The following ARID4A variants were observed in gnomAD, a reference collection of about 807,000 sequenced individuals.
ARID4A encodes the protein AT-rich interactive domain-containing protein 4A.
A neutral mutation model predicts 148.6 loss-of-function variants in ARID4A; 39 were observed. That is an observed-to-expected ratio of 0.26 (90% confidence interval 0.20 to 0.34). The LOEUF is 0.34. ARID4A is among the 10% of genes least tolerant of loss of function. The pLI, the probability that ARID4A is intolerant of heterozygous loss-of-function variation, is 1.00. For missense variants in ARID4A, 1,265 were observed against 1,449.1 expected, an observed-to-expected ratio of 0.87 and a Z score of 2.06; for synonymous variants, 475 against 481.2, an observed-to-expected ratio of 0.99 and a Z score of 0.17.
At chr14:58,302,711 T>C (rs1234924202) in intron 3 of ARID4A, among the ~76,000 whole-genome samples, 3 of 152,058 alleles carry the variant, frequency 2.0e-5, no homozygotes, top group African/African-American at 4.8e-5. Flanking sequence ...TCCCAGCACT[T>C]GGGAAGCCTG....
At chr14:58,353,440 G>A in intron 16 of ARID4A, 1 of 414,418 alleles carries the variant, frequency 2.4e-6, no homozygotes, top group South Asian at 6.3e-5. Flanking sequence ...CTTTTAAAAA[G>A]TATGGATTTA....
In ARID4A at chr14:58,366,042, A is replaced by C; in HGVS notation, c.3335A>C (p.Glu1112Ala). ...TTTATAGGACAAAGCAGTGATAGTG[A>C]AGATCTTCCTGTCCTAGACAATTCA... is the stretch of plus-strand genomic sequence containing the variant. The part of the protein sequence containing the change: ...KNGTGQSSDS[E>A]DLPVLDNSSK... Residue 1112 changes from glutamate to alanine, a missense_variant, in exon 22 of 24, where the codon GAA (glutamate) becomes GCA (alanine). Coordinates refer to ENST00000355431, the MANE Select transcript of ARID4A (RefSeq NM_002892.4). 6.2e-7 allele frequency: 1 copy of C among 1,612,732 alleles called. No individual in the cohort carries two copies. Among genetic ancestry groups the C allele is most frequent in the Non-Finnish European group, 8.5e-7 (1 of 1,179,036 alleles).
Position 58,323,547 on chromosome 14 carries a change from A to T in ARID4A, c.512A>T (p.Asn171Ile). The change falls in exon 8 of 24, where the codon AAT becomes ATT. Residue 171 changes from asparagine (N) to isoleucine (I), a missense_variant. Around this residue, in one of 9 missense-constraint regions of ARID4A, gnomAD observed 249 missense variants for 277.2 expected, o/e 0.90. Transcript: ENST00000355431. ...EEEDEDKRRL[N>I]DELLGKVVSV... The stretch of plus-strand genomic sequence containing the variant: ...GAAGATGAAGACAAGCGCCGTCTCA[A>T]TGATGAATTACTAGGAAAAGTTGTA... The T allele has an allele frequency of 6.2e-7, 1 of 1,614,024 alleles. No individual in the cohort carries two copies.
chr14:58,301,470 C>A, intron 2 of ARID4A, 110 bp from the exon 3 acceptor site: 1 of 626,152 alleles, frequency 1.6e-6, no homozygotes, highest in Non-Finnish European at 2.6e-6. Context: ...TATTAATAAG[C>A]AAGTCATTTT....
intron 17 of ARID4A, among the ~76,000 whole-genome samples, chr14:58,355,512 G>A (rs1478232273): frequency 6.6e-6 from 1 of 152,188 alleles, no homozygotes; most frequent in East Asian, 1.9e-4. Flanking sequence ...TTATATGAAT[G>A]TGGTCTTTCT....
intron 3 of ARID4A, among the ~76,000 whole-genome samples, chr14:58,302,115 T>C (rs1237434987): frequency 1.3e-5 from 2 of 152,118 alleles, no homozygotes; most frequent in African/African-American, 2.4e-5. Flanking sequence ...CCAAGCACTT[T>C]GGGAGGCCGA....
In ARID4A at chr14:58,318,538, A is replaced by G. The variant is rs556463179; in HGVS notation, c.275-4A>G. The G allele has an allele frequency of 1.6e-5, 26 of 1,613,740 alleles. No individual in the cohort carries two copies. Among genetic ancestry groups the G allele is most frequent in the Non-Finnish European group, 2.1e-5 (25 of 1,179,812 alleles). On this transcript the variant is annotated splice_region_variant and splice_polypyrimidine_tract_variant and intron_variant, in intron 5 of 23. Coordinates refer to ENST00000355431, the MANE Select transcript of ARID4A (RefSeq NM_002892.4). ...AATTCTCTGTTATCTTTTGCTTATTATAGTGTTTGATGATGGTGATGAGCG... is the reference window on the plus strand; with the variant it reads ...AATTCTCTGTTATCTTTTGCTTATTGTAGTGTTTGATGATGGTGATGAGCG...
At position 58,347,651 on chromosome 14, in the gene ARID4A, C is replaced by G; in HGVS notation, c.1177C>G (p.Leu393Val). The G allele has an allele frequency of 6.3e-7, 1 of 1,584,614 alleles. No homozygotes were observed. Among genetic ancestry groups the G allele is most frequent in the South Asian group, 1.2e-5 (1 of 85,104 alleles). Residue 393 changes from leucine to valine, a missense_variant, in exon 15 of 24, where the codon CTC becomes GTC. Leu to Val is a conservative substitution (Grantham distance 32). This residue lies in a region of ARID4A where 205 missense variants were observed against 196.9 expected (regional missense o/e 1.04). Transcript: ENST00000355431. The part of the protein sequence containing the change: ...YNVKTAYRKY[L>V]YGFEEYCRSA... ...AATGAAATATTGTTTGTTTAGGTATCTCTATGGTTTTGAGGAGTACTGCCG... is the reference window on the plus strand; with the variant it reads ...AATGAAATATTGTTTGTTTAGGTATGTCTATGGTTTTGAGGAGTACTGCCG...
intron 5 of ARID4A, among the ~76,000 whole-genome samples, chr14:58,306,659 C>T (rs958205007): frequency 6.6e-6 from 1 of 152,154 alleles, no homozygotes; most frequent in African/African-American, 2.4e-5. Context: ...GGGTGGATCA[C>T]TTGAGGTCAG....
intron 11 of ARID4A, chr14:58,331,316 G>A (rs2033505522): frequency 6.6e-6 from 1 of 152,208 alleles, no homozygotes; most frequent in Non-Finnish European, 1.5e-5. Flanking sequence ...CTTTGAAATG[G>A]GCTGTCTTTC....
chr14:58,361,028 G>A lies in ARID4A; in HGVS notation c.2066G>A (p.Ser689Asn). 6.2e-7 allele frequency: 1 copy of A among 1,613,686 alleles called. No homozygotes were observed. Among genetic ancestry groups the A allele is most frequent in the African/African-American group, 1.3e-5 (1 of 75,004 alleles). Reference protein sequence around the residue: ...MPYGLSKTANSEGKSDSCSSD... With the variant: ...MPYGLSKTANNEGKSDSCSSD... The stretch of plus-strand genomic sequence containing the variant: ...TATGGCTTATCTAAGACAGCAAACA[G>A]TGAAGGAAAATCAGGTACCAGAAGT... The change falls in exon 19 of 24, where the codon AGT becomes AAT. Residue 689 changes from serine (S) to asparagine (N), a missense_variant. Transcript: ENST00000355431.
chr14:58,341,016 C>T (rs752873964), intron 11 of ARID4A, among the ~76,000 whole-genome samples: 1 of 151,926 alleles, frequency 6.6e-6, no homozygotes, highest in Non-Finnish European at 1.5e-5. Context: ...GTTCTCTTTT[C>T]TTCCCTCTCC....
intron 7 of ARID4A, among the ~76,000 whole-genome samples, chr14:58,321,317 AT>A (rs759628894): frequency 7.0e-4 from 107 of 152,274 alleles, no homozygotes; most frequent in Non-Finnish European, 1.4e-3. Context: ...TTCTTGCTAC[AT>A]TTTTTGGTTA....
At chr14:58,348,244 A>C (rs1017100728) in intron 15 of ARID4A, among the ~76,000 whole-genome samples, 3 of 152,034 alleles carry the variant, frequency 2.0e-5, no homozygotes, top group African/African-American at 7.2e-5. Context: ...TTCTTTCTGT[A>C]ATTTACTTAT....
intron 5 of ARID4A, among the ~76,000 whole-genome samples, chr14:58,317,973 A>C: frequency 6.9e-6 from 1 of 144,942 alleles, no homozygotes; most frequent in East Asian, 2.0e-4. Flanking sequence ...GTCTTTATTA[A>C]AAAAAAAAAA....
rs2034749300 is a variant in ARID4A at position 58,353,841 on chromosome 14, T to C, written c.1839T>C (p.Tyr613=). ...AAGTTTTATATTTGGTACATTACTA[T>C]GGATGGAATGTCAGGTAAGCAAGAA... ...DGEVLYLVHY[Y]GWNVRYDEWV... Residue 613 remains tyrosine (Y), a synonymous_variant, in exon 17 of 24, where the codon TAT becomes TAC. Coordinates refer to ENST00000355431, the MANE Select transcript of ARID4A (RefSeq NM_002892.4). 1 of 1,611,592 alleles carries C rather than the reference T, an allele frequency of 6.2e-7. No individual in the cohort carries two copies. The highest frequency in any genetic ancestry group is 1.7e-5 in the Admixed American group (1 of 59,636).
intron 14 of ARID4A, 92 bp downstream of exon 14, chr14:58,347,209 ATTAAAG>A (rs2034416939): frequency 1.6e-6 from 1 of 641,172 alleles, no homozygotes; most frequent in South Asian, 3.7e-5. Context: ...ATCTAGAAAC[ATTAAAG>A]TTAGAGAAAG....
intron 19 of ARID4A, among the ~76,000 whole-genome samples, chr14:58,361,761 T>G (rs962921126): frequency 6.6e-6 from 1 of 152,282 alleles, no homozygotes; most frequent in East Asian, 1.9e-4. Flanking sequence ...TGTGCACCTG[T>G]GTTTGGATGC....
At chr14:58,362,721 C>T (rs2035188170) in intron 19 of ARID4A, among the ~76,000 whole-genome samples, 1 of 151,942 alleles carries the variant, frequency 6.6e-6, no homozygotes, top group Non-Finnish European at 1.5e-5. Context: ...CCATACCTGG[C>T]TAATTTTTGT....
Sources: gnomAD v4.1 joint callset for allele counts (sites outside exome capture counted in the v4.1 genomes callset) on GRCh38, gnomAD v4.1.1 for gene constraint, gnomAD v4.1.1 regional missense constraint, MANE v1.5 for transcripts, NCBI Gene and HGNC (gene_info 2026-07-23, HGNC 2026-07-21) for gene names.